The following CDH23 variants were observed in gnomAD, a reference collection of about 807,000 sequenced individuals.
The protein encoded by CDH23 is cadherin related 23.
In CDH23, 189 loss-of-function variants were observed where a neutral mutation model predicts 317.1. The ratio of observed to expected loss-of-function variants is 0.60; its 90% CI spans 0.53 to 0.67. The LOEUF is 0.67. Ranked by LOEUF, CDH23 falls within the 30% of genes least tolerant of loss-of-function variation. CDH23 has a pLI of 0.00. For synonymous variants in CDH23, 1,839 were observed against 1,876.8 expected, an observed-to-expected ratio of 0.98 and a Z score of 0.52; for missense variants, 4,401 against 4,592.4, an observed-to-expected ratio of 0.96 and a Z score of 1.20.
intron 28 of CDH23, chr10:71,713,968 C>T (rs963788708): frequency 6.6e-6 from 1 of 152,468 alleles, no homozygotes; most frequent in African/African-American, 2.4e-5. Flanking sequence ...AGGCCTGCCC[C>T]ACTTTCTAAA....
At chr10:71,583,737 G>T (rs761776614) in intron 9 of CDH23, among the ~76,000 whole-genome samples, 1 of 152,142 alleles carries the variant, frequency 6.6e-6, no homozygotes, top group Non-Finnish European at 1.5e-5. Context: ...CTGTTTATTG[G>T]GTGCCTGCCG....
chr10:71,813,494 G>A, intron 69 of CDH23, 146 bp downstream of exon 69: 1 of 722,282 alleles, frequency 1.4e-6, no homozygotes, highest in Middle Eastern at 2.4e-4. Context: ...CAGGAAGTCA[G>A]ACAGCAGGAT....
chr10:71,705,049 A>G lies in CDH23; in HGVS notation c.2872A>G (p.Ile958Val), dbSNP rs1462924115. The G allele has an allele frequency of 2.5e-6, 4 of 1,612,464 alleles. No homozygotes were observed. The highest frequency in any genetic ancestry group is 1.3e-5 in the African/African-American group (1 of 74,894). The change falls in exon 25 of 70, where the codon ATC (isoleucine) becomes GTC (valine). Residue 958 changes from isoleucine to valine, a missense_variant. By Grantham distance (29) the Ile-to-Val change is conservative. Coordinates refer to ENST00000224721, the MANE Select transcript of CDH23 (RefSeq NM_022124.6). ...VTTTELDRER[I>V]AEYQLRVVAS... ...CACCACCGAGCTGGACCGCGAGCGC[A>G]TCGCGGAGTACCAGCTGCGGGTGGT...
At chr10:71,691,816 C>T (rs1227081) in intron 20 of CDH23, among the ~76,000 whole-genome samples, 75,637 of 152,000 alleles carry the variant, frequency 0.5, 19,091 homozygotes, top group South Asian at 0.66. Flanking sequence ...TCAGCTCTTC[C>T]TGCTATCCAT....
intron 6 of CDH23, among the ~76,000 whole-genome samples, chr10:71,532,946 G>A (rs1199283748): frequency 1.3e-5 from 2 of 152,072 alleles, no homozygotes; most frequent in African/African-American, 4.8e-5. Flanking sequence ...GGGCCAGGCT[G>A]GTCTGGAACT....
intron 26 of CDH23, among the ~76,000 whole-genome samples, chr10:71,708,859 G>C (rs1181703196): frequency 6.6e-6 from 1 of 152,246 alleles, no homozygotes; most frequent in African/African-American, 2.4e-5. Context: ...TCTGCATGAA[G>C]TACCTGTAAA....
chr10:71,578,572 G>A (rs969476514), intron 9 of CDH23, among the ~76,000 whole-genome samples: 13 of 152,126 alleles, frequency 8.5e-5, no homozygotes, highest in Admixed American at 3.9e-4. Context: ...AGATGGTTCC[G>A]GGTGATGGGA....
At chr10:71,450,850 T>C (rs1850406214) in intron 3 of CDH23, among the ~76,000 whole-genome samples, 3 of 152,162 alleles carry the variant, frequency 2.0e-5, no homozygotes, top group African/African-American at 7.2e-5. Flanking sequence ...ACCTATATGC[T>C]GACAACTCCT....
chr10:71,778,081 G>T, intron 39 of CDH23, 108 bp from the exon 40 acceptor site: 1 of 1,511,372 alleles, frequency 6.6e-7, no homozygotes, highest in South Asian at 1.2e-5. Flanking sequence ...GGTGGCAGTG[G>T]TTCCCCATCA....
intron 38 of CDH23, among the ~76,000 whole-genome samples, chr10:71,746,029 C>G (rs1839846035): frequency 6.6e-6 from 1 of 152,202 alleles, no homozygotes. Flanking sequence ...ATTTGTTCAT[C>G]CAACACCAAG....
At chr10:71,668,591 T>C (rs1394668442) in intron 14 of CDH23, among the ~76,000 whole-genome samples, 4 of 152,216 alleles carry the variant, frequency 2.6e-5, no homozygotes, top group African/African-American at 9.6e-5. Flanking sequence ...GGGGATACTA[T>C]GGTGCTGGTC....
intron 16 of CDH23, 149 bp from the exon 17 acceptor site, chr10:71,679,238 G>C (rs542189841): frequency 5.1e-5 from 33 of 642,986 alleles, no homozygotes; most frequent in Non-Finnish European, 7.8e-5. Context: ...GCCTCCTGGC[G>C]TCCTGGGCCA....
At chr10:71,761,917 G>A (rs150554747) in intron 38 of CDH23, 75 of 1,614,022 alleles carry the variant, frequency 4.6e-5, no homozygotes, top group East Asian at 3.8e-4. Flanking sequence ...AGGTCACATC[G>A]TGCCCTTTGT....
intron 14 of CDH23, among the ~76,000 whole-genome samples, chr10:71,653,191 G>A (rs1232912518): frequency 1.3e-5 from 2 of 152,150 alleles, no homozygotes; most frequent in Non-Finnish European, 1.5e-5. Flanking sequence ...CTGCATCAAT[G>A]TCAGCCCCAT....
At chr10:71,625,911 G>GA (rs1486437707) in intron 11 of CDH23, among the ~76,000 whole-genome samples, 4 of 152,126 alleles carry the variant, frequency 2.6e-5, no homozygotes, top group Non-Finnish European at 5.9e-5. Context: ...TACAAATACA[G>GA]AAAAAACCAC....
At chr10:71,787,794 G>C (rs1232767121) in intron 44 of CDH23, among the ~76,000 whole-genome samples, 1 of 152,214 alleles carries the variant, frequency 6.6e-6, no homozygotes, top group African/African-American at 2.4e-5. Flanking sequence ...TCTGTGGATG[G>C]ACACTTACAT....
intron 43 of CDH23, 77 bp downstream of exon 43, chr10:71,785,177 G>C: frequency 7.9e-7 from 1 of 1,258,396 alleles, no homozygotes. Flanking sequence ...AGGCTTTTCT[G>C]CTGCCACCAT....
At chr10:71,656,574 T>G (rs1665683) in intron 14 of CDH23, among the ~76,000 whole-genome samples, 1 of 151,890 alleles carries the variant, frequency 6.6e-6, no homozygotes, top group Non-Finnish European at 1.5e-5. Flanking sequence ...ATGAGTGATG[T>G]GGGGAAATAC....
chr10:71,702,242 C>G (rs776463060), intron 23 of CDH23, 31 bp downstream of exon 23: 8 of 1,604,000 alleles, frequency 5.0e-6, no homozygotes, highest in Non-Finnish European at 6.8e-6. Flanking sequence ...TCACGGCCCC[C>G]ACACCTTAGG....
Sources: gnomAD v4.1 joint callset for allele counts (sites outside exome capture counted in the v4.1 genomes callset) on GRCh38, gnomAD v4.1.1 for gene constraint, MANE v1.5 for transcripts, NCBI Gene and HGNC (gene_info 2026-07-23, HGNC 2026-07-21) for gene names.